FRS2: variants seen among roughly 807,000 people sequenced by gnomAD.
FRS2 encodes the protein fibroblast growth factor receptor substrate 2, also known as FGFR signalling adaptor.
A neutral mutation model predicts 43.9 loss-of-function variants in FRS2; 8 were observed. The observed-to-expected ratio is 0.18, with a 90% confidence interval of 0.11 to 0.33. The LOEUF is 0.33. Ranked by LOEUF, FRS2 falls within the 10% of genes least tolerant of loss-of-function variation. The pLI is 1.00. For synonymous variants in FRS2, 219 were observed against 220.3 expected, an observed-to-expected ratio of 0.99 and a Z score of 0.05; for missense variants, 534 against 627.6, an observed-to-expected ratio of 0.85 and a Z score of 1.59.
At chr12:69,555,697 G>A (rs1879278376) in intron 3 of FRS2, among the ~76,000 whole-genome samples, 1 of 152,058 alleles carries the variant, frequency 6.6e-6, no homozygotes, top group Admixed American at 6.6e-5. Context: ...GAGTGTGCAC[G>A]TGTTTTGGTC....
chr12:69,546,960 A>G (rs568256128), intron 3 of FRS2, among the ~76,000 whole-genome samples: 2 of 152,334 alleles, frequency 1.3e-5, no homozygotes, highest in East Asian at 3.9e-4. Context: ...GGTGGAAGCA[A>G]CCCAAGTGTT....
chr12:69,470,764 G>A (rs1441192781), intron 1 of FRS2, among the ~76,000 whole-genome samples: 2 of 152,166 alleles, frequency 1.3e-5, no homozygotes, highest in East Asian at 3.9e-4. Context: ...AGCTGTTGTT[G>A]CTGTTGGGAC....
chr12:69,524,377 A>G (rs530263931), intron 1 of FRS2, among the ~76,000 whole-genome samples: 1 of 152,118 alleles, frequency 6.6e-6, no homozygotes, highest in African/African-American at 2.4e-5. Context: ...CTTGTAGGCA[A>G]AGCAGCACAG....
chr12:69,496,333 C>T (rs188798914), intron 1 of FRS2, among the ~76,000 whole-genome samples: 68 of 151,886 alleles, frequency 4.5e-4, no homozygotes, highest in Admixed American at 9.2e-4. Context: ...GTTACTCAGG[C>T]GGCTGAGGCA....
At chr12:69,526,784 C>T (rs113503909) in intron 1 of FRS2, among the ~76,000 whole-genome samples, 1,556 of 151,720 alleles carry the variant, frequency 0.01, 22 homozygotes, top group African/African-American at 0.036. Context: ...AGTGCAGTGG[C>T]ACGATCTCGG....
rs948507134 is a variant in FRS2 at position 69,571,972 on chromosome 12, A to C, written c.413-146A>C. The stretch of plus-strand genomic sequence containing the variant: ...GTATTTCATATTAGGTAAAATATGG[A>C]GTTGGGGGTAATACTATTTGTGCTC... On this transcript the variant is annotated intron_variant, in intron 7 of 8. Transcript: ENST00000549921. The C allele has an allele frequency of 7.2e-6, 4 of 552,722 alleles. No homozygotes were observed. The African/African-American group carries it at 7.6e-5, about 11-fold the overall frequency. 34.2% of individuals were successfully genotyped at this position (552,722 alleles called of 1,614,324 possible).
At chr12:69,523,509 G>A (rs1383807459) in intron 1 of FRS2, among the ~76,000 whole-genome samples, 2 of 152,092 alleles carry the variant, frequency 1.3e-5, no homozygotes, top group Non-Finnish European at 2.9e-5. Flanking sequence ...GTATACCATT[G>A]GGTCTTGCTG....
intron 1 of FRS2, among the ~76,000 whole-genome samples, chr12:69,494,885 T>C (rs1783068438): frequency 6.6e-6 from 1 of 152,118 alleles, no homozygotes; most frequent in Non-Finnish European, 1.5e-5. Context: ...GTGATTCCCC[T>C]GTCTCAACCT....
At chr12:69,566,247 G>GA (rs912965022) in intron 4 of FRS2, among the ~76,000 whole-genome samples, 11 of 147,134 alleles carry the variant, frequency 7.5e-5, no homozygotes, top group African/African-American at 5.0e-5. Context: ...CTCCTTTTGA[G>GA]AAAAAAAAAA....
intron 1 of FRS2, among the ~76,000 whole-genome samples, chr12:69,514,062 T>C (rs866994629): frequency 6.6e-6 from 1 of 152,156 alleles, no homozygotes; most frequent in Non-Finnish European, 1.5e-5. Flanking sequence ...CTTTTTTTTT[T>C]CTGTGTGGGT....
At chr12:69,484,768 C>T (rs995802554) in intron 1 of FRS2, among the ~76,000 whole-genome samples, 3 of 152,118 alleles carry the variant, frequency 2.0e-5, no homozygotes, top group Admixed American at 6.6e-5. Context: ...TTGGCCTTGA[C>T]GTTTTTTGAT....
At chr12:69,543,208 C>G (rs1292121283) in intron 3 of FRS2, among the ~76,000 whole-genome samples, 1 of 152,122 alleles carries the variant, frequency 6.6e-6, no homozygotes, top group Non-Finnish European at 1.5e-5. Flanking sequence ...CCCATTTTTA[C>G]AAGTCATCTC....
chr12:69,554,406 G>T (rs521737), intron 3 of FRS2, among the ~76,000 whole-genome samples: 84,501 of 151,844 alleles, frequency 0.56, 24,242 homozygotes, highest in African/African-American at 0.69. Flanking sequence ...ACATTATTTT[G>T]TAAAAATGCA....
Position 69,559,394 on chromosome 12 carries a change from AAG to A in FRS2, c.-121-2783_-121-2782del, listed in dbSNP as rs1243113735. 4.6e-5 allele frequency among the ~76,000 whole-genome samples: 7 copies of A among 152,252 alleles called. No homozygotes were observed. The East Asian group carries it at 1.2e-3, about 25-fold the overall frequency. On this transcript the variant is annotated intron_variant, in intron 3 of 8. Coordinates refer to ENST00000549921, the MANE Select transcript of FRS2 (RefSeq NM_001278356.2). ...TAATTGATTTTTTTCAAGAGTTAAAAAGAGGGGGTGAGTGGAGGGTTATGAAT... is the reference window on the plus strand; with the variant it reads ...TAATTGATTTTTTTCAAGAGTTAAAAAGGGGGTGAGTGGAGGGTTATGAAT...
At chr12:69,511,402 T>C (rs1874441667) in intron 1 of FRS2, among the ~76,000 whole-genome samples, 1 of 152,188 alleles carries the variant, frequency 6.6e-6, no homozygotes, top group South Asian at 2.1e-4. Flanking sequence ...TGCACACTCT[T>C]TGACCCAGAA....
intron 1 of FRS2, among the ~76,000 whole-genome samples, chr12:69,492,600 C>T (rs930517456): frequency 3.3e-5 from 5 of 152,066 alleles, no homozygotes; most frequent in African/African-American, 7.2e-5. Context: ...GGGGGGCAAG[C>T]GAGTGGTTAC....
chr12:69,481,104 C>T (rs1470872786), intron 1 of FRS2, among the ~76,000 whole-genome samples: 1 of 152,138 alleles, frequency 6.6e-6, no homozygotes, highest in Non-Finnish European at 1.5e-5. Flanking sequence ...TACCCTTTAT[C>T]CATAGTCACT....
intron 1 of FRS2, among the ~76,000 whole-genome samples, chr12:69,490,005 C>A (rs67190554): frequency 6.6e-6 from 1 of 151,358 alleles, no homozygotes; most frequent in Non-Finnish European, 1.5e-5. Flanking sequence ...AAAAATAGGT[C>A]GTCAAGTCTA....
chr12:69,480,908 A>T (rs1169000663), intron 1 of FRS2, among the ~76,000 whole-genome samples: 1 of 151,930 alleles, frequency 6.6e-6, no homozygotes, highest in African/African-American at 2.4e-5. Context: ...GTAATTTTTG[A>T]CTGTGAAGTT....
Sources: gnomAD v4.1 joint callset for allele counts (sites outside exome capture counted in the v4.1 genomes callset) on GRCh38, gnomAD v4.1.1 for gene constraint, MANE v1.5 for transcripts, NCBI Gene and HGNC (gene_info 2026-07-23, HGNC 2026-07-21) for gene names.